Variants in CDK15 observed in about 807,000 individuals in gnomAD.
CDK15 encodes the protein cyclin-dependent kinase 15.
CDK15 carries 62 observed loss-of-function variants against 60.3 expected under a neutral mutation model. The observed-to-expected ratio is 1.03, with a 90% CI of 0.84 to 1.27. The LOEUF is 1.27. Ranked by LOEUF, CDK15 falls within the 50% of genes most tolerant of loss-of-function variation. The pLI is 0.00. For synonymous variants in CDK15, 194 were observed against 195.7 expected (o/e 0.99, Z 0.07); for missense variants, 541 against 527.8 (o/e 1.03, Z -0.25).
chr2:201,874,637 A>T (rs571831934), intron 11 of CDK15, among the ~76,000 whole-genome samples: 19 of 152,244 alleles, frequency 1.2e-4, no homozygotes, highest in African/African-American at 4.6e-4. Flanking sequence ...TTTCTACACA[A>T]TCCCTTCAGA....
chr2:201,876,471 T>C lies in CDK15; in HGVS notation c.1059-3557T>C, dbSNP rs1699081523. The C allele has an allele frequency of 1.7e-5, 11 of 630,162 alleles. 1 individual carries two copies. The highest frequency in any genetic ancestry group is 1.2e-4 in the South Asian group (8 of 67,454). 39.0% of individuals were successfully genotyped at this position (630,162 alleles called of 1,614,324 possible). ...TGCTGCCAGTGAAGGTTTGTGTTCA[T>C]GTGGGGTGGAGTTGGCTTGTACAGG... On this transcript the variant is annotated intron_variant, in intron 11 of 13. Transcript: ENST00000652192.
chr2:201,847,367 A>C lies in CDK15; in HGVS notation c.852-14A>C, dbSNP rs761612037. On this transcript the variant is annotated splice_polypyrimidine_tract_variant and intron_variant, in intron 8 of 13. Transcript: ENST00000652192. Reference sequence around the variant, plus strand: ...TCTTTCAAAGTGTCAATTTACTCTTATTTCATTTGCTAGGGGTGCAGGCTG... The same window carrying C: ...TCTTTCAAAGTGTCAATTTACTCTTCTTTCATTTGCTAGGGGTGCAGGCTG... 9.3e-6 allele frequency: 15 copies of C among 1,609,098 alleles called. No individual in the cohort carries two copies. In the South Asian group the frequency reaches 1.7e-4, roughly 18 times the overall value.
intron 8 of CDK15, 128 bp from the exon 9 acceptor site, chr2:201,847,253 C>T: frequency 1.2e-6 from 1 of 866,068 alleles, no homozygotes; most frequent in African/African-American, 1.7e-5. Flanking sequence ...TGGCCCAAGA[C>T]TTTTAATATC....
At chr2:201,811,788 G>A (rs1173427592) in intron 3 of CDK15, among the ~76,000 whole-genome samples, 1 of 152,132 alleles carries the variant, frequency 6.6e-6, no homozygotes, top group Non-Finnish European at 1.5e-5. Flanking sequence ...AAAGTGACTT[G>A]TCCTGATTGT....
At chr2:201,845,847 G>A (rs73993113) in intron 8 of CDK15, among the ~76,000 whole-genome samples, 1 of 58,688 alleles carries the variant, frequency 1.7e-5, no homozygotes, top group Non-Finnish European at 3.7e-5. Context: ...AAAAAAAAAA[G>A]AGAGAGAGAG....
intron 9 of CDK15, 113 bp from the exon 10 acceptor site, chr2:201,854,761 T>C: frequency 1.2e-6 from 1 of 827,750 alleles, no homozygotes; most frequent in Non-Finnish European, 2.0e-6. Flanking sequence ...CAATGGGACA[T>C]ACATCTGACG....
rs1254676763 is a variant in CDK15, at chr2:201,882,196, C to CGTATGT, written c.1198+2032_1198+2037dup. Among the ~76,000 whole-genome samples, 1 of 150,314 alleles carries CGTATGT rather than the reference C, an allele frequency of 6.7e-6. No homozygotes were observed. Among genetic ancestry groups the CGTATGT allele is most frequent in the East Asian group, 2.0e-4 (1 of 5,074 alleles). On this transcript the variant is annotated intron_variant, in intron 12 of 13. Transcript: ENST00000652192. The surrounding 1 kb of genome is among the most constrained non-coding windows in gnomAD (Gnocchi z 4.0). ...GTGTATGTGTGTATATGTGTGTGTG[C>CGTATGT]GTATGTGTGTGTGTGTGTGTGAGAG...
intron 12 of CDK15, chr2:201,889,083 G>C (rs930601707): frequency 2.0e-6 from 2 of 985,250 alleles, no homozygotes; most frequent in African/African-American, 3.5e-5. Context: ...CGAGACCCCA[G>C]ATTACCCACA....
chr2:201,842,427 C>G (rs1475079788), intron 8 of CDK15, among the ~76,000 whole-genome samples: 3 of 152,182 alleles, frequency 2.0e-5, no homozygotes, highest in Admixed American at 6.5e-5. Context: ...AGATCATTTA[C>G]TGTCACATTT....
chr2:201,889,779 G>A (rs116299650), intron 12 of CDK15, among the ~76,000 whole-genome samples: 2,039 of 151,992 alleles, frequency 0.013, 52 homozygotes, highest in African/African-American at 0.046. Context: ...GCCAGGCCCC[G>A]AGGCTCATGC....
rs191446880 is a variant in CDK15, at chr2:201,823,674, C to A, written c.553C>A (p.Leu185Met). The A allele has an allele frequency of 2.4e-5, 38 of 1,613,832 alleles. 1 individual carries two copies. The East Asian group carries it at 8.2e-4, about 35-fold the overall frequency. ...CCGCTGTTTTATTTAGCACACAGAC[C>A]TGGCCCAGTATATGTCTCAGCATCC... Reference protein sequence around the residue: ...TFVFEYMHTDLAQYMSQHPGG... With the variant: ...TFVFEYMHTDMAQYMSQHPGG... The change falls in exon 6 of 14, where the codon CTG (leucine) becomes ATG (methionine). Residue 185 changes from leucine (L) to methionine (M), a missense_variant. By Grantham distance (15) the Leu-to-Met change is conservative (BLOSUM62 2). Transcript: ENST00000652192.
At chr2:201,853,225 C>T (rs1441434159) in intron 9 of CDK15, among the ~76,000 whole-genome samples, 1 of 152,180 alleles carries the variant, frequency 6.6e-6, no homozygotes, top group African/African-American at 2.4e-5. Flanking sequence ...CTTAGTGTTC[C>T]CTCGGGCTCA....
At chr2:201,812,866 G>A (rs757321294) in intron 4 of CDK15, among the ~76,000 whole-genome samples, 1 of 152,162 alleles carries the variant, frequency 6.6e-6, no homozygotes, top group Non-Finnish European at 1.5e-5. Flanking sequence ...TATAACCTCA[G>A]AAAATTCCTA....
At chr2:201,888,426 T>C in intron 12 of CDK15, 1 of 1,530,200 alleles carries the variant, frequency 6.5e-7, no homozygotes, top group South Asian at 1.2e-5. Context: ...CAAAAAATTT[T>C]TAAACACCCG....
At chr2:201,819,885 A>T (rs1696146108) in intron 4 of CDK15, among the ~76,000 whole-genome samples, 1 of 152,148 alleles carries the variant, frequency 6.6e-6, no homozygotes, top group Non-Finnish European at 1.5e-5. Flanking sequence ...CATTTTTCCT[A>T]CTCCTACAAA....
intron 1 of CDK15, 59 bp downstream of exon 1, chr2:201,806,846 C>T: frequency 1.9e-6 from 3 of 1,568,728 alleles, no homozygotes; most frequent in Non-Finnish European, 2.6e-6. Context: ...AGTTCAGACA[C>T]TCCCTTTTTG....
At chr2:201,825,446 A>T (rs1322973007) in intron 6 of CDK15, among the ~76,000 whole-genome samples, 2 of 152,212 alleles carry the variant, frequency 1.3e-5, no homozygotes, top group African/African-American at 4.8e-5. Context: ...AACCTAACCC[A>T]GTCCTGGAAG....
intron 12 of CDK15, chr2:201,889,386 A>G (rs1228812020): frequency 3.0e-6 from 3 of 985,290 alleles, no homozygotes; most frequent in East Asian, 1.1e-4. Context: ...TTTTTCTCAG[A>G]TATCTGTGCT....
rs1695598296 is a variant in CDK15 at position 201,808,058 on chromosome 2, A to T, written c.368+106A>T. ...ATCATAGAAGTTCATAGCACTCAGG[A>T]CCTGTGCAAGACACCATGGCCGACA... On this transcript the variant is annotated intron_variant, in intron 3 of 13. Coordinates refer to ENST00000652192, the MANE Select transcript of CDK15 (RefSeq NM_001366386.2). 3.2e-6 allele frequency: 3 copies of T among 948,182 alleles called. No homozygotes were observed. The South Asian group carries it at 5.0e-5, about 16-fold the overall frequency. 58.7% of individuals were successfully genotyped at this position (948,182 alleles called of 1,614,324 possible).
Sources: gnomAD v4.1 joint callset for allele counts (sites outside exome capture counted in the v4.1 genomes callset) on GRCh38, gnomAD v4.1.1 for gene constraint, Gnocchi (gnomAD v3.1) non-coding constraint, MANE v1.5 for transcripts, NCBI Gene and HGNC (gene_info 2026-07-23, HGNC 2026-07-21) for gene names.